DPP6: variants seen among roughly 807,000 people sequenced by gnomAD.
DPP6 encodes A-type potassium channel modulatory protein DPP6.
Under a neutral mutation model 122.6 loss-of-function variants are expected in DPP6, and 69 were observed. The ratio of observed to expected loss-of-function variants is 0.56; its 90% CI spans 0.46 to 0.69. DPP6 has a LOEUF of 0.69. Ranked by LOEUF, DPP6 falls within the 30% of genes least tolerant of loss-of-function variation. The pLI is 0.00. For synonymous variants in DPP6, 418 were observed against 433.1 expected (o/e 0.97, Z 0.43); for missense variants, 928 against 1,116.9 (o/e 0.83, Z 2.41).
intron 5 of DPP6, among the ~76,000 whole-genome samples, chr7:154,575,441 G>GT (rs1563879582): frequency 0.094 from 3,572 of 37,812 alleles, 409 homozygotes; most frequent in East Asian, 0.62. Flanking sequence ...GTATGTGTGT[G>GT]GTGTGTGTAT....
chr7:154,019,665 T>C (rs1798606570), intron 1 of DPP6, among the ~76,000 whole-genome samples: 1 of 152,210 alleles, frequency 6.6e-6, no homozygotes, highest in Admixed American at 6.5e-5. Context: ...AACATAGTCA[T>C]TAAAGAATTG....
intron 1 of DPP6, among the ~76,000 whole-genome samples, chr7:154,358,816 C>T (rs983350582): frequency 1.3e-5 from 2 of 152,194 alleles, no homozygotes; most frequent in Non-Finnish European, 2.9e-5. Context: ...AGCAATTCTC[C>T]TGCCTCAGCC....
At chr7:154,260,391 C>T (rs1802934627) in intron 1 of DPP6, among the ~76,000 whole-genome samples, 1 of 152,052 alleles carries the variant, frequency 6.6e-6, no homozygotes. Flanking sequence ...GTGCACCTAT[C>T]GCCCAAGCAG....
intron 1 of DPP6, among the ~76,000 whole-genome samples, chr7:154,428,459 A>G (rs1476697991): frequency 6.6e-6 from 1 of 152,208 alleles, no homozygotes; most frequent in African/African-American, 2.4e-5. Flanking sequence ...AAGAACTAAA[A>G]GGATACCTGC....
intron 1 of DPP6, among the ~76,000 whole-genome samples, chr7:154,027,715 C>CT (rs1328407665): frequency 5.3e-5 from 8 of 151,864 alleles, no homozygotes; most frequent in African/African-American, 1.9e-4. Context: ...GATTTGCTGT[C>CT]TTATTTGTTC....
chr7:153,966,598 G>T (rs1795748887), intron 1 of DPP6, among the ~76,000 whole-genome samples: 1 of 44,462 alleles, frequency 2.2e-5, no homozygotes, highest in African/African-American at 7.6e-5. Flanking sequence ...ACTGCATATA[G>T]CCCTTTTTTT....
chr7:153,798,752 A>G, the DPP6 span, among the ~76,000 whole-genome samples: 1 of 152,224 alleles, frequency 6.6e-6, no homozygotes, highest in African/African-American at 2.4e-5. Context: ...ACAACTCACC[A>G]TAATGTAGAA....
intron 21 of DPP6, among the ~76,000 whole-genome samples, chr7:154,881,802 G>A (rs1023390295): frequency 2.6e-5 from 4 of 152,108 alleles, no homozygotes; most frequent in African/African-American, 4.8e-5. Flanking sequence ...CTTACCTGCC[G>A]GAGGTGAAGT....
chr7:154,410,548 G>A (rs970859545), intron 1 of DPP6, among the ~76,000 whole-genome samples: 10 of 152,128 alleles, frequency 6.6e-5, no homozygotes, highest in Non-Finnish European at 1.3e-4. Flanking sequence ...ATTATGATAT[G>A]CAATACTTTT....
rs141776051 is a variant in DPP6 at position 154,665,981 on chromosome 7, G to A, written c.681-3379G>A. 3.1e-3 allele frequency among the ~76,000 whole-genome samples: 471 copies of A among 151,736 alleles called. 3 individuals are homozygous for A. The highest frequency in any genetic ancestry group is 0.011 in the African/African-American group (445 of 41,344). ...CCCTGGGAGAAACAAATTTACTCAC[G>A]GAACTACAGAGAATCTTCCTTCTCT... On this transcript the variant is annotated intron_variant, in intron 6 of 25. Coordinates refer to ENST00000377770, the MANE Select transcript of DPP6 (RefSeq NM_130797.4).
intron 7 of DPP6, among the ~76,000 whole-genome samples, chr7:154,718,512 G>A (rs1841616089): frequency 6.6e-6 from 1 of 151,634 alleles, no homozygotes; most frequent in Admixed American, 6.6e-5. Flanking sequence ...TAAAAGTTCA[G>A]CCCTTTGCTC....
intron 1 of DPP6, among the ~76,000 whole-genome samples, chr7:153,977,541 C>CT (rs932992903): frequency 4.6e-5 from 7 of 152,002 alleles, no homozygotes; most frequent in Admixed American, 6.6e-5. Context: ...CAGCCTCATT[C>CT]TTTCTTTTTG....
At chr7:153,969,139 G>T (rs1795895848) in intron 1 of DPP6, among the ~76,000 whole-genome samples, 1 of 151,218 alleles carries the variant, frequency 6.6e-6, no homozygotes, top group South Asian at 2.1e-4. Flanking sequence ...CCTGAGTCAT[G>T]TGGTAACTCC....
chr7:154,299,045 C>G lies in DPP6; in HGVS notation c.244-147169C>G, dbSNP rs1805729726. Among the ~76,000 whole-genome samples the G allele has an allele frequency of 2.0e-5, 3 of 152,234 alleles. No individual in the cohort carries two copies. The South Asian group carries it at 6.2e-4, about 32-fold the overall frequency. ...ACACAGGAGAAATGTGTTCTGCAAG[C>G]TGAGGAGAATTGAATTTGGCTTCAG... On this transcript the variant is annotated intron_variant, in intron 1 of 25. Transcript: ENST00000377770.
chr7:154,620,053 G>T (rs921316798), intron 5 of DPP6, among the ~76,000 whole-genome samples: 1 of 152,204 alleles, frequency 6.6e-6, no homozygotes, highest in African/African-American at 2.4e-5. Context: ...TCACAAGCAC[G>T]TTGAATGATT....
intron 7 of DPP6, among the ~76,000 whole-genome samples, chr7:154,713,327 T>C (rs979991401): frequency 6.6e-6 from 1 of 152,196 alleles, no homozygotes; most frequent in African/African-American, 2.4e-5. Flanking sequence ...ATCTGAAGGA[T>C]GGTGGCCCTC....
chr7:154,589,402 C>A (rs1332016735), intron 5 of DPP6, among the ~76,000 whole-genome samples: 1 of 152,210 alleles, frequency 6.6e-6, no homozygotes, highest in Non-Finnish European at 1.5e-5. Context: ...ACTTTCTTCC[C>A]AGGCTGGGCA....
rs575716436 is a variant in DPP6 at position 153,909,018 on chromosome 7, C to T, written c.51+21284C>T. ...CTGCCCGCCTCAGCCTTCCAAAGTG[C>T]TGGGATTACAGGCATGAGCCACTGT... On this transcript the variant is annotated intron_variant, in intron 1 of 25. Transcript: ENST00000404039. 2.0e-5 allele frequency among the ~76,000 whole-genome samples: 3 copies of T among 152,304 alleles called. No individual in the cohort carries two copies. The South Asian group carries it at 6.2e-4, about 32-fold the overall frequency.
intron 1 of DPP6, among the ~76,000 whole-genome samples, chr7:154,409,774 C>T (rs1399641957): frequency 4.6e-5 from 7 of 152,302 alleles, no homozygotes; most frequent in African/African-American, 1.7e-4. Flanking sequence ...AAACCAAGAC[C>T]TATGGTACCA....
Sources: allele counts gnomAD v4.1 joint callset (sites outside exome capture counted in the v4.1 genomes callset), GRCh38; gene constraint gnomAD v4.1.1; transcripts MANE v1.5; gene names NCBI Gene and HGNC (gene_info 2026-07-23, HGNC 2026-07-21).